Variants in KYNU observed in about 807,000 individuals in gnomAD.
KYNU encodes the protein kynureninase, also known as L-kynurenine hydrolase.
KYNU carries 54 observed loss-of-function variants against 59.2 expected under a neutral mutation model. The ratio of observed to expected loss-of-function variants is 0.91; its 90% CI spans 0.73 to 1.14. KYNU has a LOEUF of 1.14. KYNU is among the 50% of genes most tolerant of loss of function. The pLI is 0.00. For missense variants in KYNU, 567 were observed against 554.4 expected, an observed-to-expected ratio of 1.02 and a Z score of -0.23; for synonymous variants, 177 against 192.0, an observed-to-expected ratio of 0.92 and a Z score of 0.65.
intron 6 of KYNU, among the ~76,000 whole-genome samples, chr2:142,956,712 A>T (rs1306759514): frequency 6.6e-6 from 1 of 152,202 alleles, no homozygotes; most frequent in Non-Finnish European, 1.5e-5. Flanking sequence ...GCCCATTATT[A>T]TCAAAATATT....
At chr2:142,946,963 A>G in intron 4 of KYNU, 1 of 1,332,092 alleles carries the variant, frequency 7.5e-7, no homozygotes, top group Non-Finnish European at 1.0e-6. Flanking sequence ...TTCACCTTGT[A>G]CTTTTTGTAT....
intron 8 of KYNU, among the ~76,000 whole-genome samples, chr2:142,977,446 T>C (rs896409367): frequency 6.7e-6 from 1 of 149,674 alleles, no homozygotes; most frequent in African/African-American, 2.5e-5. Flanking sequence ...AGGATTAAAA[T>C]AAGTTGGAAC....
rs1482989646 is a variant in KYNU at position 143,054,236 on chromosome 2, ATAAG to A, written c.*12067_*12070del. 3 of 152,236 alleles carry A rather than the reference ATAAG, an allele frequency of 2.0e-5. No individual in the cohort carries two copies. The highest frequency in any genetic ancestry group is 7.2e-5 in the African/African-American group (3 of 41,540). 9.4% of individuals were successfully genotyped at this position (152,236 alleles called of 1,614,324 possible). A position where few individuals can be genotyped will look rare whatever the true frequency, so the allele number is the denominator to read the frequency against. ...TTCAGTTTATTCCCTCTTACTATGT[ATAAG>A]TATTTCCCCAAGTTTCACTTTATCT... On this transcript the variant is annotated 3_prime_UTR_variant, in exon 14 of 14. Transcript: ENST00000264170.
At chr2:142,959,045 A>G (rs1684256869) in intron 7 of KYNU, among the ~76,000 whole-genome samples, 1 of 152,064 alleles carries the variant, frequency 6.6e-6, no homozygotes, top group South Asian at 2.1e-4. Context: ...TGGGATGCCA[A>G]TTTTTATTGA....
chr2:142,956,337 G>T (rs1210619495), intron 6 of KYNU, 63 bp downstream of exon 6: 16 of 1,052,554 alleles, frequency 1.5e-5, no homozygotes, highest in Non-Finnish European at 2.2e-5. Flanking sequence ...TGTATCATTT[G>T]CCTGACTTGA....
At position 143,010,611 on chromosome 2, in the gene KYNU, C is replaced by G. The variant is rs527590543; in HGVS notation, c.903-19016C>G. Among the ~76,000 whole-genome samples the G allele has an allele frequency of 4.2e-4, 61 of 143,658 alleles. 3 individuals carry two copies. Among genetic ancestry groups the G allele is most frequent in the Non-Finnish European group, 8.5e-4 (56 of 66,240 alleles). 94.2% of individuals were successfully genotyped at this position (143,658 alleles called of 152,430 possible). The stretch of plus-strand genomic sequence containing the variant: ...AAGAGCCTGCATCACCAAGTCAATC[C>G]TAAGCCAAAAGAACAAAGCTGGAGG... On this transcript the variant is annotated intron_variant, in intron 10 of 13. Coordinates refer to ENST00000264170, the MANE Select transcript of KYNU (RefSeq NM_003937.3).
chr2:142,903,743 C>A (rs901128362), intron 2 of KYNU, among the ~76,000 whole-genome samples: 1 of 152,164 alleles, frequency 6.6e-6, no homozygotes, highest in East Asian at 1.9e-4. Context: ...ACTCAGAGGA[C>A]CTTCGTCCCC....
chr2:142,975,948 C>T (rs1684867821), intron 8 of KYNU, among the ~76,000 whole-genome samples: 1 of 152,088 alleles, frequency 6.6e-6, no homozygotes, highest in Admixed American at 6.6e-5. Flanking sequence ...TGATTCAGAA[C>T]ACTCCCTTAT....
intron 4 of KYNU, among the ~76,000 whole-genome samples, chr2:142,938,203 G>C (rs1165328918): frequency 6.6e-6 from 1 of 152,028 alleles, no homozygotes; most frequent in Non-Finnish European, 1.5e-5. Context: ...TTTTTGGTTT[G>C]GTCTGGTCTG....
intron 2 of KYNU, among the ~76,000 whole-genome samples, chr2:142,904,149 C>A (rs925992612): frequency 6.6e-6 from 1 of 152,220 alleles, no homozygotes; most frequent in Non-Finnish European, 1.5e-5. Context: ...TGGCCTTCAA[C>A]AGAGTCAGGT....
intron 2 of KYNU, among the ~76,000 whole-genome samples, chr2:142,908,503 T>TA (rs1553475371): frequency 0.028 from 4,248 of 151,712 alleles, 62 homozygotes; most frequent in African/African-American, 0.051. Flanking sequence ...GGATTTTTTT[T>TA]AAAAAAAATA....
intron 3 of KYNU, among the ~76,000 whole-genome samples, chr2:142,924,950 C>T (rs1294413600): frequency 6.6e-6 from 1 of 152,166 alleles, no homozygotes; most frequent in Non-Finnish European, 1.5e-5. Context: ...AATGAAGAAG[C>T]AGACTCTGTG....
intron 10 of KYNU, among the ~76,000 whole-genome samples, chr2:143,006,406 C>G (rs185442344): frequency 6.6e-6 from 1 of 151,708 alleles, no homozygotes; most frequent in African/African-American, 2.4e-5. Context: ...GAGGGTCCTA[C>G]GCCCATGGAA....
chr2:142,879,108 T>A (rs1402120826), intron 1 of KYNU, among the ~76,000 whole-genome samples: 1 of 152,232 alleles, frequency 6.6e-6, no homozygotes, highest in Non-Finnish European at 1.5e-5. Context: ...ATTTGCAAAC[T>A]AAACATGGCA....
intron 2 of KYNU, among the ~76,000 whole-genome samples, chr2:142,903,360 T>A (rs137875442): frequency 0.01 from 1,548 of 152,258 alleles, 22 homozygotes; most frequent in African/African-American, 0.036. Flanking sequence ...CAAACGGGTG[T>A]TCCTTTTCCT....
chr2:143,039,109 A>G (rs966620219), intron 12 of KYNU, among the ~76,000 whole-genome samples: 1 of 152,140 alleles, frequency 6.6e-6, no homozygotes, highest in African/African-American at 2.4e-5. Flanking sequence ...CAGCCCACAA[A>G]TGGCAGTATT....
At chr2:143,032,294 A>C (rs971879997) in intron 11 of KYNU, among the ~76,000 whole-genome samples, 26 of 83,996 alleles carry the variant, frequency 3.1e-4, no homozygotes, top group Non-Finnish European at 6.0e-4. Flanking sequence ...AAAAACAAAA[A>C]AAAAAAACAA....
intron 10 of KYNU, among the ~76,000 whole-genome samples, chr2:143,024,478 C>A (rs1686495973): frequency 6.6e-6 from 1 of 151,990 alleles, no homozygotes; most frequent in South Asian, 2.1e-4. Flanking sequence ...TTGATCAATA[C>A]CAGTAAAACT....
intron 8 of KYNU, among the ~76,000 whole-genome samples, chr2:142,973,825 A>T (rs1336452106): frequency 6.6e-6 from 1 of 152,188 alleles, no homozygotes; most frequent in Non-Finnish European, 1.5e-5. Flanking sequence ...AAATCCCACC[A>T]TCTCTGTCTT....
Sources: allele counts gnomAD v4.1 joint callset (sites outside exome capture counted in the v4.1 genomes callset), GRCh38; gene constraint gnomAD v4.1.1; transcripts MANE v1.5; gene names NCBI Gene and HGNC (gene_info 2026-07-23, HGNC 2026-07-21).